The following SMOC2 variants were observed in gnomAD, a reference collection of about 807,000 sequenced individuals.
SMOC2 encodes the protein SPARC-related modular calcium-binding protein 2.
SMOC2 carries 39 observed loss-of-function variants against 61.4 expected under a neutral mutation model. The ratio of observed to expected loss-of-function variants is 0.64; its 90% CI spans 0.49 to 0.83. The LOEUF is 0.83. Ranked by LOEUF, SMOC2 falls within the 40% of genes least tolerant of loss-of-function variation. The pLI, the probability that SMOC2 is intolerant of heterozygous loss-of-function variation, is 0.00. For missense variants in SMOC2, 556 were observed against 592.9 expected, an observed-to-expected ratio of 0.94 and a Z score of 0.65; for synonymous variants, 247 against 239.9, an observed-to-expected ratio of 1.03 and a Z score of -0.27.
At chr6:168,482,896 A>G (rs1000093872) in intron 1 of SMOC2, among the ~76,000 whole-genome samples, 1 of 152,054 alleles carries the variant, frequency 6.6e-6, no homozygotes, top group African/African-American at 2.4e-5. Flanking sequence ...GAAGGAAACT[A>G]CCTCAACATA....
chr6:168,637,720 A>G (rs573259323), intron 9 of SMOC2, among the ~76,000 whole-genome samples: 1 of 152,308 alleles, frequency 6.6e-6, no homozygotes, highest in South Asian at 2.1e-4. Context: ...ATTTACCTCC[A>G]TTTAAAAACT....
chr6:168,445,438 A>C (rs913778975), intron 1 of SMOC2, among the ~76,000 whole-genome samples: 1 of 152,226 alleles, frequency 6.6e-6, no homozygotes, highest in African/African-American at 2.4e-5. Flanking sequence ...AACAATATTT[A>C]GCCATGTGTA....
At chr6:168,509,043 T>TGGACG (rs1410666446) in intron 1 of SMOC2, among the ~76,000 whole-genome samples, 1 of 149,570 alleles carries the variant, frequency 6.7e-6, no homozygotes, top group Admixed American at 6.6e-5. Context: ...GATGGAGGCC[T>TGGACG]GGACGGGACT....
chr6:168,444,799 C>G (rs986457182), intron 1 of SMOC2, among the ~76,000 whole-genome samples: 10 of 152,150 alleles, frequency 6.6e-5, no homozygotes, highest in African/African-American at 2.2e-4. Flanking sequence ...TCAACTTTAT[C>G]ATGGTTGTCA....
intron 2 of SMOC2, among the ~76,000 whole-genome samples, chr6:168,518,984 C>T (rs999746601): frequency 1.5e-4 from 22 of 143,298 alleles, no homozygotes; most frequent in East Asian, 4.3e-4. Context: ...TGTATGCATG[C>T]GTGTGTATGC....
chr6:168,501,164 A>G (rs1323692809), intron 1 of SMOC2, among the ~76,000 whole-genome samples: 1 of 152,234 alleles, frequency 6.6e-6, no homozygotes, highest in African/African-American at 2.4e-5. Context: ...ATATCTTATT[A>G]GGAAGAATTT....
rs140054714 is a variant in SMOC2, at chr6:168,536,431, T to G, written c.464-7194T>G. ...CAGGAGCTGGCGGATAAGGAGGTGG[T>G]TGGGTCCCAGGGCACGGTGCCTGTG... On this transcript the variant is annotated intron_variant, in intron 4 of 12. Coordinates refer to ENST00000356284, the MANE Select transcript of SMOC2 (RefSeq NM_001166412.2). Among the ~76,000 whole-genome samples the G allele has an allele frequency of 5.1e-3, 782 of 152,128 alleles. 4 individuals carry two copies. Among genetic ancestry groups the G allele is most frequent in the South Asian group, 0.028 (134 of 4,826 alleles).
chr6:168,455,430 C>T (rs1339369626), intron 1 of SMOC2, among the ~76,000 whole-genome samples: 1 of 152,140 alleles, frequency 6.6e-6, no homozygotes, highest in Non-Finnish European at 1.5e-5. Context: ...CCACCAAGCC[C>T]GGGCTGGCCT....
chr6:168,563,051 C>T (rs1187451771), intron 7 of SMOC2, among the ~76,000 whole-genome samples: 3 of 152,210 alleles, frequency 2.0e-5, no homozygotes, highest in African/African-American at 7.2e-5. Context: ...CCGTCTGCGT[C>T]GAGGAAGGGG....
intron 7 of SMOC2, among the ~76,000 whole-genome samples, chr6:168,559,036 T>C (rs1281420703): frequency 6.6e-6 from 1 of 152,216 alleles, no homozygotes; most frequent in Admixed American, 6.5e-5. Flanking sequence ...GTACTGGAAA[T>C]CGTAGTGACA....
At position 168,560,518 on chromosome 6, in the gene SMOC2, G is replaced by GTGTT. The variant is rs1562348212; in HGVS notation, c.637+11315_637+11316insTGTT. Among the ~76,000 whole-genome samples, 14 of 145,484 alleles carry GTGTT rather than the reference G, an allele frequency of 9.6e-5. 1 individual carries two copies. Among genetic ancestry groups the GTGTT allele is most frequent in the Non-Finnish European group, 1.7e-4 (11 of 65,008 alleles). ...GGCCCTGAGATGTGAGGCTCTCACT[G>GTGTT]CGTTCTTGGAGGAGGTGTCATTTTC... On this transcript the variant is annotated intron_variant, in intron 7 of 12. Coordinates refer to ENST00000356284, the MANE Select transcript of SMOC2 (RefSeq NM_001166412.2).
At chr6:168,595,555 G>T (rs1046196217) in intron 7 of SMOC2, among the ~76,000 whole-genome samples, 2 of 152,126 alleles carry the variant, frequency 1.3e-5, no homozygotes, top group African/African-American at 4.8e-5. Context: ...TCTTCCCAGG[G>T]GCCGTCATCA....
intron 11 of SMOC2, among the ~76,000 whole-genome samples, chr6:168,657,987 C>T (rs540368975): frequency 3.3e-5 from 5 of 152,308 alleles, no homozygotes; most frequent in East Asian, 3.9e-4. Context: ...ACTTCCTGTG[C>T]TTTTTCTCTT....
chr6:168,636,873 C>CTCCCACCTCCCTCCTCCCACCTCCCTCT (rs1786741055), intron 9 of SMOC2, among the ~76,000 whole-genome samples: 1 of 130,554 alleles, frequency 7.7e-6, no homozygotes, highest in African/African-American at 3.0e-5. Context: ...CGCCTCCCTC[C>CTCCCACCTCCCTCCTCCCACCTCCCTCT]TCCCGCCTCC....
At chr6:168,550,640 T>G (rs1423417960) in intron 7 of SMOC2, among the ~76,000 whole-genome samples, 2 of 152,000 alleles carry the variant, frequency 1.3e-5, no homozygotes, top group African/African-American at 4.8e-5. Context: ...TGTGGCATCT[T>G]CTTGTTACTT....
intron 2 of SMOC2, among the ~76,000 whole-genome samples, chr6:168,516,034 G>T (rs547816422): frequency 1.2e-4 from 18 of 152,290 alleles, no homozygotes; most frequent in African/African-American, 4.1e-4. Flanking sequence ...ATGAGGCTGA[G>T]GCTGTCTTTA....
intron 9 of SMOC2, among the ~76,000 whole-genome samples, chr6:168,640,247 G>A (rs1473746355): frequency 2.7e-5 from 2 of 74,508 alleles, no homozygotes; most frequent in East Asian, 2.7e-4. Flanking sequence ...GTCGCTGTGT[G>A]GTTGCCAACT....
chr6:168,450,440 C>T (rs1781434489), intron 1 of SMOC2, among the ~76,000 whole-genome samples: 2 of 152,188 alleles, frequency 1.3e-5, no homozygotes, highest in Non-Finnish European at 2.9e-5. Flanking sequence ...TTTTCCAGGG[C>T]CCCTTATTTA....
chr6:168,516,908 C>G (rs981993991), intron 2 of SMOC2, among the ~76,000 whole-genome samples: 2 of 152,090 alleles, frequency 1.3e-5, no homozygotes, highest in Non-Finnish European at 2.9e-5. Flanking sequence ...GAGCCCAGAT[C>G]GTGCCATTGC....
Sources: gnomAD v4.1 joint callset for allele counts (sites outside exome capture counted in the v4.1 genomes callset) on GRCh38, gnomAD v4.1.1 for gene constraint, MANE v1.5 for transcripts, NCBI Gene and HGNC (gene_info 2026-07-23, HGNC 2026-07-21) for gene names.